The following UGGT2 variants were observed in gnomAD, a reference collection of about 807,000 sequenced individuals.
The protein encoded by UGGT2 is UDP-glucose glycoprotein glucosyltransferase 2.
Under a neutral mutation model 192.1 loss-of-function variants are expected in UGGT2, and 180 were observed. That is an observed-to-expected ratio of 0.94 (90% CI 0.83 to 1.06). UGGT2 has a LOEUF of 1.06. Ranked by LOEUF, UGGT2 falls within the 50% of genes least tolerant of loss-of-function variation. The pLI is 0.00. For missense variants in UGGT2, 1,849 were observed against 1,795.7 expected, an observed-to-expected ratio of 1.03 and a Z score of -0.54; for synonymous variants, 580 against 591.0, an observed-to-expected ratio of 0.98 and a Z score of 0.27.
At chr13:95,934,847 A>AT (rs1236476620) in intron 17 of UGGT2, among the ~76,000 whole-genome samples, 2 of 152,186 alleles carry the variant, frequency 1.3e-5, no homozygotes, top group Non-Finnish European at 2.9e-5. Flanking sequence ...GGTTAGTTCA[A>AT]TAACAGTGGG....
intron 17 of UGGT2, among the ~76,000 whole-genome samples, chr13:95,929,831 TC>T (rs2049181914): frequency 6.6e-6 from 1 of 152,052 alleles, no homozygotes; most frequent in Non-Finnish European, 1.5e-5. Flanking sequence ...GAATGGTAGT[TC>T]TGTTTTAAGT....
chr13:95,958,903 A>G (rs901443133), intron 12 of UGGT2, among the ~76,000 whole-genome samples: 1 of 152,176 alleles, frequency 6.6e-6, no homozygotes, highest in African/African-American at 2.4e-5. Flanking sequence ...CTACCAACCT[A>G]ACCATGGAAA....
chr13:95,846,652 T>C (rs1224536373), intron 36 of UGGT2, among the ~76,000 whole-genome samples: 1 of 152,192 alleles, frequency 6.6e-6, no homozygotes, highest in African/African-American at 2.4e-5. Context: ...AAACTGGTAT[T>C]ATTTCTTTCT....
intron 1 of UGGT2, among the ~76,000 whole-genome samples, chr13:96,033,404 C>T (rs905096519): frequency 7.9e-5 from 12 of 151,982 alleles, no homozygotes; most frequent in Admixed American, 4.6e-4. Flanking sequence ...GTGGAGGGCC[C>T]GCACTCCCCA....
At chr13:95,958,817 A>C (rs1045474617) in intron 12 of UGGT2, among the ~76,000 whole-genome samples, 7 of 152,162 alleles carry the variant, frequency 4.6e-5, no homozygotes, top group African/African-American at 1.4e-4. Flanking sequence ...ATTGGCTGGA[A>C]GCCTAGAGAG....
intron 2 of UGGT2, among the ~76,000 whole-genome samples, chr13:96,031,658 C>T (rs1268503035): frequency 2.6e-5 from 4 of 152,092 alleles, no homozygotes; most frequent in Admixed American, 2.6e-4. Context: ...AATGCAATAT[C>T]CAAACATGAC....
chr13:95,895,128 G>C, intron 23 of UGGT2, 52 bp downstream of exon 23: 1 of 1,512,820 alleles, frequency 6.6e-7, no homozygotes, highest in Non-Finnish European at 8.8e-7. Context: ...AAAAACATTA[G>C]ACTCAAAATA....
intron 10 of UGGT2, among the ~76,000 whole-genome samples, chr13:95,982,906 C>A (rs1317823283): frequency 6.6e-6 from 1 of 152,158 alleles, no homozygotes. Flanking sequence ...CTCCAATGAA[C>A]TATGCATCTT....
intron 5 of UGGT2, among the ~76,000 whole-genome samples, 168 bp from the exon 6 acceptor site, chr13:95,999,475 G>A (rs1468295922): frequency 6.6e-6 from 1 of 152,118 alleles, no homozygotes; most frequent in Admixed American, 6.5e-5. Context: ...AGTCTATCAA[G>A]GAACTAGAAT....
At chr13:95,996,415 G>A (rs1458216086) in intron 6 of UGGT2, among the ~76,000 whole-genome samples, 1 of 151,826 alleles carries the variant, frequency 6.6e-6, no homozygotes, top group African/African-American at 2.4e-5. Flanking sequence ...AGAGTGGCTT[G>A]AGCCTGGGAG....
intron 30 of UGGT2, among the ~76,000 whole-genome samples, chr13:95,866,964 TCTG>T (rs1890723075): frequency 6.6e-6 from 1 of 152,132 alleles, no homozygotes; most frequent in African/African-American, 2.4e-5. Context: ...CCAAAAAGAA[TCTG>T]CTATCATTAA....
chr13:95,866,767 T>G (rs1890697123), intron 30 of UGGT2, among the ~76,000 whole-genome samples: 1 of 152,164 alleles, frequency 6.6e-6, no homozygotes, highest in Non-Finnish European at 1.5e-5. Context: ...AGGACAATAG[T>G]AGCTTCCTTG....
intron 38 of UGGT2, among the ~76,000 whole-genome samples, chr13:95,828,965 T>C (rs937224947): frequency 6.6e-6 from 1 of 152,184 alleles, no homozygotes; most frequent in African/African-American, 2.4e-5. Flanking sequence ...AAAAAGCTTA[T>C]CCACCATGAT....
intron 20 of UGGT2, among the ~76,000 whole-genome samples, chr13:95,906,988 G>A (rs2048311755): frequency 6.6e-6 from 1 of 152,162 alleles, no homozygotes; most frequent in Admixed American, 6.5e-5. Flanking sequence ...AAGGGGTGGG[G>A]GAATTTCCCT....
At chr13:95,832,554 T>C in intron 38 of UGGT2, 1 of 293,126 alleles carries the variant, frequency 3.4e-6, no homozygotes, top group East Asian at 8.1e-5. Context: ...ATATTTTTAG[T>C]TAGCTATGTA....
intron 17 of UGGT2, among the ~76,000 whole-genome samples, chr13:95,928,376 G>A: frequency 9.9e-6 from 1 of 100,710 alleles, no homozygotes. Context: ...CTGCCGGGCG[G>A]AGACGCTCCT....
At chr13:96,015,139 G>A (rs948750183) in intron 4 of UGGT2, among the ~76,000 whole-genome samples, 71 of 151,942 alleles carry the variant, frequency 4.7e-4, no homozygotes, top group African/African-American at 1.4e-3. Flanking sequence ...TTAGCCGGGC[G>A]TGGTGGCAGA....
chr13:95,991,808 A>T (rs1209214739), intron 7 of UGGT2, among the ~76,000 whole-genome samples: 1 of 152,184 alleles, frequency 6.6e-6, no homozygotes, highest in Non-Finnish European at 1.5e-5. Flanking sequence ...GGCAACATAT[A>T]TATTATTCAT....
chr13:95,880,333 T>A (rs1594218401), intron 27 of UGGT2, among the ~76,000 whole-genome samples: 1 of 152,328 alleles, frequency 6.6e-6, no homozygotes, highest in East Asian at 1.9e-4. Context: ...AACACATATC[T>A]TGATCTGTAA....
Sources: allele counts gnomAD v4.1 joint callset (sites outside exome capture counted in the v4.1 genomes callset), GRCh38; gene constraint gnomAD v4.1.1; transcripts MANE v1.5; gene names NCBI Gene and HGNC (gene_info 2026-07-23, HGNC 2026-07-21).